Variants in AGPAT5 observed in about 807,000 individuals in gnomAD.
The protein encoded by AGPAT5 is 1-acyl-sn-glycerol-3-phosphate acyltransferase epsilon.
In AGPAT5, 46 loss-of-function variants were observed where a neutral mutation model predicts 45.6. The observed-to-expected ratio is 1.01, with a 90% CI of 0.80 to 1.29. AGPAT5 has a LOEUF of 1.29. AGPAT5 is among the 50% of genes most tolerant of loss of function. AGPAT5 has a pLI of 0.00. For missense variants in AGPAT5, 673 were observed against 450.7 expected, an observed-to-expected ratio of 1.49 and a Z score of -4.47; for synonymous variants, 272 against 167.0, an observed-to-expected ratio of 1.63 and a Z score of -4.85.
At chr8:6,745,731 T>C (rs1362366331) in intron 5 of AGPAT5, 1 of 151,982 alleles carries the variant, frequency 6.6e-6, no homozygotes, top group Non-Finnish European at 1.5e-5. Flanking sequence ...TTTTTTAATG[T>C]GGATGTTTCC....
chr8:6,731,441 T>C (rs1307838877), intron 3 of AGPAT5, among the ~76,000 whole-genome samples: 1 of 152,220 alleles, frequency 6.6e-6, no homozygotes, highest in African/African-American at 2.4e-5. Context: ...AAATCATCTC[T>C]AGATTACTTA....
intron 1 of AGPAT5, among the ~76,000 whole-genome samples, chr8:6,713,796 G>C (rs1053829055): frequency 6.6e-6 from 1 of 152,070 alleles, no homozygotes; most frequent in African/African-American, 2.4e-5. Flanking sequence ...TGAGCTCCTG[G>C]GCTCAAGTGA....
chr8:6,743,294 A>G (rs1269774400), intron 5 of AGPAT5, among the ~76,000 whole-genome samples: 1 of 152,092 alleles, frequency 6.6e-6, no homozygotes, highest in African/African-American at 2.4e-5. Flanking sequence ...CGTTTCCTTG[A>G]CTGCTGATGA....
intron 2 of AGPAT5, among the ~76,000 whole-genome samples, chr8:6,727,909 G>T (rs1800740554): frequency 6.6e-6 from 1 of 152,206 alleles, no homozygotes; most frequent in Non-Finnish European, 1.5e-5. Context: ...AGGTGTGAGT[G>T]ATAGCTCCTT....
Position 6,760,961 on chromosome 8 carries a change from A to G in AGPAT5, c.*3573A>G, listed in dbSNP as rs1197162153. ...CTAATTTACTCAGTTTAGAGTAGCT[A>G]CAACTCTTCGATACTATCATCAATA... On this transcript the variant is annotated 3_prime_UTR_variant, in exon 8 of 8. Transcript: ENST00000285518. 6.6e-6 allele frequency among the ~76,000 whole-genome samples: 1 copy of G among 152,224 alleles called. No homozygotes were observed. The highest frequency in any genetic ancestry group is 2.4e-5 in the African/African-American group (1 of 41,464).
At chr8:6,756,609 C>CAAA (rs11300826) in intron 7 of AGPAT5, among the ~76,000 whole-genome samples, 7 of 122,932 alleles carry the variant, frequency 5.7e-5, no homozygotes, top group South Asian at 2.7e-4. Context: ...TGCCTTTTTT[C>CAAA]AAAAAAAAAA....
In AGPAT5 at chr8:6,761,275, G is replaced by A. The variant is rs1052864545; in HGVS notation, c.*3887G>A. ...AGTTTTTCCATCCGGATTATTATTG[G>A]TTCATGATTTTATATGTGAATATGT... On this transcript the variant is annotated 3_prime_UTR_variant, in exon 8 of 8. Transcript: ENST00000285518. Among the ~76,000 whole-genome samples, 1 of 152,008 alleles carries A rather than the reference G, an allele frequency of 6.6e-6. No homozygotes were observed. Among genetic ancestry groups the A allele is most frequent in the African/African-American group, 2.4e-5 (1 of 41,370 alleles).
At chr8:6,743,412 C>T (rs964525362) in intron 5 of AGPAT5, among the ~76,000 whole-genome samples, 15 of 152,310 alleles carry the variant, frequency 9.8e-5, no homozygotes, top group African/African-American at 3.6e-4. Context: ...ATGTCTCAAA[C>T]TCAGCATATT....
intron 7 of AGPAT5, 78 bp from the exon 8 acceptor site, chr8:6,757,085 A>G (rs10102758): frequency 0.17 from 185,411 of 1,096,250 alleles, 16,595 homozygotes; most frequent in Admixed American, 0.27. Context: ...TCCAGCGTGT[A>G]ATAGCTACCT....
intron 1 of AGPAT5, among the ~76,000 whole-genome samples, chr8:6,721,600 G>A (rs915546057): frequency 6.6e-6 from 1 of 152,196 alleles, no homozygotes; most frequent in African/African-American, 2.4e-5. Context: ...GGGGTTGGGT[G>A]TTTTGCCCAA....
intron 1 of AGPAT5, 150 bp downstream of exon 1, chr8:6,709,037 G>T (rs1344191394): frequency 7.6e-6 from 6 of 790,056 alleles, no homozygotes; most frequent in South Asian, 2.9e-5. Context: ...CTTCCTCTCC[G>T]CATGCTTCCT....
chr8:6,708,667 A>C lies in AGPAT5; in HGVS notation c.-2A>C. The C allele has an allele frequency of 6.4e-7, 1 of 1,568,284 alleles. No homozygotes were observed. Among genetic ancestry groups the C allele is most frequent in the African/African-American group, 1.4e-5 (1 of 71,918 alleles). On this transcript the variant is annotated 5_prime_UTR_variant, in exon 1 of 8. Transcript: ENST00000285518. ...GGAGCTCGCTGCCGCCGAGCTGAGA[A>C]GATGCTGCTGTCCCTGGTGCTCCAC...
rs1041587563 is a variant in AGPAT5, at chr8:6,725,251, G to C, written c.289+312G>C. ...ATTCTTTTTGTAAGTGATGTTTCTA[G>C]AAGTAGCATTGGTGGGTCGAAGTGT... is the stretch of plus-strand genomic sequence containing the variant. On this transcript the variant is annotated intron_variant, in intron 2 of 7. Transcript: ENST00000285518. Among the ~76,000 whole-genome samples the C allele has an allele frequency of 3.3e-5, 5 of 152,140 alleles. 1 individual carries two copies. The highest frequency in any genetic ancestry group is 1.2e-4 in the African/African-American group (5 of 41,424).
At chr8:6,710,887 T>A (rs1187192251) in intron 1 of AGPAT5, among the ~76,000 whole-genome samples, 1 of 152,188 alleles carries the variant, frequency 6.6e-6, no homozygotes, top group Non-Finnish European at 1.5e-5. Context: ...ATTTTTAGCT[T>A]GCTTTTCTTG....
rs1802034931 is a variant in AGPAT5, at chr8:6,761,249, C to G, written c.*3861C>G. ...GTTTATTGATGTTGATGAAACAGAT[C>G]AGTTTTTCCATCCGGATTATTATTG... On this transcript the variant is annotated 3_prime_UTR_variant, in exon 8 of 8. Transcript: ENST00000285518. Among the ~76,000 whole-genome samples the G allele has an allele frequency of 6.6e-6, 1 of 152,110 alleles. No homozygotes were observed. Among genetic ancestry groups the G allele is most frequent in the African/African-American group, 2.4e-5 (1 of 41,420 alleles).
rs774751887 is a variant in AGPAT5 at position 6,708,698 on chromosome 8, C to T, written c.30C>T (p.Tyr10=). 1.9e-6 allele frequency: 3 copies of T among 1,604,472 alleles called. No homozygotes were observed. The highest frequency in any genetic ancestry group is 4.5e-5 in the East Asian group (2 of 44,814). The change falls in exon 1 of 8, where the codon TAC becomes TAT. Residue 10 remains tyrosine, a synonymous_variant. Coordinates refer to ENST00000285518, the MANE Select transcript of AGPAT5 (RefSeq NM_018361.5). ...TGCTGTCCCTGGTGCTCCACACGTA[C>T]TCCATGCGCTACCTGCTGCCCAGCG... MLLSLVLHT[Y]SMRYLLPSVV...
chr8:6,732,384 G>C (rs2116901949), intron 3 of AGPAT5, among the ~76,000 whole-genome samples, 177 bp from the exon 4 acceptor site: 1 of 152,256 alleles, frequency 6.6e-6, no homozygotes, highest in Admixed American at 6.5e-5. Context: ...GTTGAGACAA[G>C]GCAATTTTCA....
intron 1 of AGPAT5, among the ~76,000 whole-genome samples, chr8:6,710,930 T>A (rs1026892584): frequency 6.6e-6 from 1 of 152,194 alleles, no homozygotes; most frequent in Non-Finnish European, 1.5e-5. Flanking sequence ...TCTTGAATTG[T>A]TTTTATCAGC....
intron 4 of AGPAT5, among the ~76,000 whole-genome samples, chr8:6,732,916 A>G (rs1158170922): frequency 1.3e-5 from 2 of 152,222 alleles, no homozygotes; most frequent in Admixed American, 6.5e-5. Context: ...TTCAGAGTCT[A>G]TAAATAGAAC....
Sources: allele counts gnomAD v4.1 joint callset (sites outside exome capture counted in the v4.1 genomes callset), GRCh38; gene constraint gnomAD v4.1.1; transcripts MANE v1.5; gene names NCBI Gene and HGNC (gene_info 2026-07-23, HGNC 2026-07-21).